The following RNF168 variants were observed in gnomAD, a reference collection of about 807,000 sequenced individuals.
The protein encoded by RNF168 is E3 ubiquitin-protein ligase RNF168.
In RNF168, 34 loss-of-function variants were observed where a neutral mutation model predicts 34.9. That is an observed-to-expected ratio of 0.97 (90% CI 0.74 to 1.30). The LOEUF (loss-of-function observed/expected upper bound fraction) is 1.30. RNF168 is among the 50% of genes most tolerant of loss of function. The pLI, the probability that RNF168 is intolerant of heterozygous loss-of-function variation, is 0.00. For synonymous variants in RNF168, 264 were observed against 254.7 expected, an observed-to-expected ratio of 1.04 and a Z score of -0.35; for missense variants, 725 against 682.5, an observed-to-expected ratio of 1.06 and a Z score of -0.69.
In RNF168 at chr3:196,472,648, G is replaced by A. The variant is rs755116093; in HGVS notation, c.887C>T (p.Ser296Phe). The change falls in exon 6 of 6, where the codon TCC becomes TTC. Residue 296 changes from serine (S) to phenylalanine (F), a missense_variant. By Grantham distance (155) the Ser-to-Phe change is radical (BLOSUM62 -2). Transcript: ENST00000318037. ...GEQGADSSIESPMPWLCACGA... is the reference protein window; with the variant it reads ...GEQGADSSIEFPMPWLCACGA... ...ACAGGCACATAACCATGGCATAGGG[G>A]ACTCTATTGAAGAATCTGCACCTTG... 6.2e-7 allele frequency: 1 copy of A among 1,611,402 alleles called. No homozygotes were observed. Among genetic ancestry groups the A allele is most frequent in the Non-Finnish European group, 8.5e-7 (1 of 1,177,882 alleles).
chr3:196,488,580 CAAA>C, intron 2 of RNF168, 24 bp downstream of exon 2: 5 of 1,142,948 alleles, frequency 4.4e-6, no homozygotes, highest in South Asian at 1.4e-5. Flanking sequence ...AGAAATATTC[CAAA>C]AAAAAAAACT....
intron 3 of RNF168, among the ~76,000 whole-genome samples, chr3:196,487,033 T>C (rs73219637): frequency 0.047 from 7,126 of 152,342 alleles, 263 homozygotes; most frequent in Middle Eastern, 0.17. Flanking sequence ...CCAACCTGCA[T>C]GACAGAGTAA....
At chr3:196,488,512 A>G (rs1732512168) in intron 2 of RNF168, 95 bp downstream of exon 2, 5 of 722,702 alleles carry the variant, frequency 6.9e-6, no homozygotes, top group Non-Finnish European at 1.2e-5. Context: ...ATTTCAAGAT[A>G]TACTAGTTAT....
intron 2 of RNF168, among the ~76,000 whole-genome samples, chr3:196,487,824 T>C (rs1204923429): frequency 2.0e-5 from 3 of 152,178 alleles, no homozygotes; most frequent in African/African-American, 7.2e-5. Context: ...GTGAAAATTA[T>C]ACACAAAATT....
intron 3 of RNF168, among the ~76,000 whole-genome samples, chr3:196,486,774 T>TA (rs1396360222): frequency 2.0e-5 from 3 of 152,170 alleles, no homozygotes; most frequent in Non-Finnish European, 4.4e-5. Flanking sequence ...TTCCTACATA[T>TA]AAAAAAGTTG....
rs971583151 is a variant in RNF168, at chr3:196,503,207, C to T, written c.-34G>A. The T allele has an allele frequency of 6.3e-7, 1 of 1,591,192 alleles. No individual in the cohort carries two copies. Among genetic ancestry groups the T allele is most frequent in the Non-Finnish European group, 8.6e-7 (1 of 1,159,326 alleles). ...GTTAGTAAAGCCGACTAAACAACGACACCTGCACGAAAAAGAATCCTATTT... is the reference window on the plus strand; with the variant it reads ...GTTAGTAAAGCCGACTAAACAACGATACCTGCACGAAAAAGAATCCTATTT... On this transcript the variant is annotated 5_prime_UTR_variant, in exon 1 of 6. Transcript: ENST00000318037.
At chr3:196,502,305 G>C in intron 1 of RNF168, among the ~76,000 whole-genome samples, 1 of 152,100 alleles carries the variant, frequency 6.6e-6, no homozygotes, top group East Asian at 1.9e-4. Context: ...GTAAATCAGA[G>C]GCCGGGCGCG....
intron 1 of RNF168, among the ~76,000 whole-genome samples, chr3:196,498,967 A>G (rs1379826179): frequency 6.6e-6 from 1 of 151,866 alleles, no homozygotes; most frequent in Non-Finnish European, 1.5e-5. Flanking sequence ...TGCATTCCAG[A>G]CTGGGTGACA....
intron 3 of RNF168, among the ~76,000 whole-genome samples, chr3:196,486,572 G>A (rs188172408): frequency 2.0e-4 from 30 of 152,268 alleles, no homozygotes; most frequent in Admixed American, 1.8e-3. Flanking sequence ...GGGCTCAAGC[G>A]ATCCTCTCGC....
rs768487159 is a variant in RNF168 at position 196,472,454 on chromosome 3, C to A, written c.1081G>T (p.Val361Leu). 7 of 1,613,998 alleles carry A rather than the reference C, an allele frequency of 4.3e-6. No homozygotes were observed. In the African/African-American group the frequency reaches 9.3e-5, roughly 22 times the overall value. The change falls in exon 6 of 6, where the codon GTG (valine) becomes TTG (leucine). Residue 361 changes from valine (V) to leucine (L), a missense_variant. Physicochemically the swap from Val to Leu is conservative, Grantham distance 32. Transcript: ENST00000318037. Reference protein sequence around the residue: ...TESGCAPTSGVTQTNGNNTGE... With the variant: ...TESGCAPTSGLTQTNGNNTGE... ...GTGTTGTTTCCATTTGTCTGTGTCACCCCTGATGTGGGGGCGCACCCACTT... is the reference window on the plus strand; with the variant it reads ...GTGTTGTTTCCATTTGTCTGTGTCAACCCTGATGTGGGGGCGCACCCACTT...
chr3:196,502,941 G>A lies in RNF168; in HGVS notation c.233C>T (p.Thr78Met), dbSNP rs867104656. Residue 78 changes from threonine to methionine, a missense_variant, in exon 1 of 6, where the codon ACG (threonine) becomes ATG (methionine). By Grantham distance (81) the Thr-to-Met change is moderately conservative. Coordinates refer to ENST00000318037, the MANE Select transcript of RNF168 (RefSeq NM_152617.4). ...RNSLVNVELW[T>M]IIQKHYPREC... ...CCTGGGATAGTGTTTTTGAATTATC[G>A]TCCACAGTTCCACGTTGACGAGAGA... 1 of 1,613,888 alleles carries A rather than the reference G, an allele frequency of 6.2e-7. No homozygotes were observed. The highest frequency in any genetic ancestry group is 1.1e-5 in the South Asian group (1 of 91,078).
chr3:196,476,048 C>T (rs1365871737), intron 4 of RNF168, among the ~76,000 whole-genome samples: 1 of 150,488 alleles, frequency 6.6e-6, no homozygotes, highest in Non-Finnish European at 1.5e-5. Context: ...TTAGTAGAGA[C>T]GGGTTTCACC....
Position 196,502,879 on chromosome 3 carries a change from CCT to C in RNF168, c.293_294del (p.Glu98GlyfsTer4). ...CACGCCATGGTTTACTCACCCACTT[CCT>C]CTGATTCTTGGCCAGACGCTCTAAG... ...CKLRASGQESEEVADDYQPVR... is the reference protein window; with the variant it reads ...CKLRASGQESXEVADDYQPVR... On this transcript the variant is annotated frameshift_variant, in exon 1 of 6. Coordinates refer to ENST00000318037, the MANE Select transcript of RNF168 (RefSeq NM_152617.4). LOFTEE classifies it high-confidence loss of function. The C allele has an allele frequency of 1.9e-6, 3 of 1,613,760 alleles. No individual in the cohort carries two copies. Among genetic ancestry groups the C allele is most frequent in the South Asian group, 2.2e-5 (2 of 91,072 alleles).
At position 196,472,246 on chromosome 3, in the gene RNF168, A is replaced by G. The variant is rs781729599; in HGVS notation, c.1289T>C (p.Ile430Thr). 2.2e-5 allele frequency: 35 copies of G among 1,613,938 alleles called. No individual in the cohort carries two copies. The highest frequency in any genetic ancestry group is 3.0e-5 in the Non-Finnish European group (35 of 1,179,874). Residue 430 changes from isoleucine to threonine, a missense_variant, in exon 6 of 6, where the codon ATA becomes ACA. Transcript: ENST00000318037. Reference protein sequence around the residue: ...ETEINFTQKLIDLEHLLFERH... With the variant: ...ETEINFTQKLTDLEHLLFERH... ...CTCAAACAGTAGATGCTCCAAATCTATCAGTTTTTGGGTAAAGTTTATTTC... is the reference window on the plus strand; with the variant it reads ...CTCAAACAGTAGATGCTCCAAATCTGTCAGTTTTTGGGTAAAGTTTATTTC...
Position 196,470,521 on chromosome 3 carries a change from AC to A in RNF168, c.*1297del, listed in dbSNP as rs1731972817. ...GTTTCAATGATCCAGACTGTCAGTCACCCCATCCAGCCTCAGCCTCATCCTC... is the reference window on the plus strand; with the variant it reads ...GTTTCAATGATCCAGACTGTCAGTCACCCATCCAGCCTCAGCCTCATCCTC... On this transcript the variant is annotated 3_prime_UTR_variant, in exon 6 of 6. Transcript: ENST00000318037. The A allele has an allele frequency of 6.9e-6, 1 of 145,092 alleles. No homozygotes were observed. Among genetic ancestry groups the A allele is most frequent in the African/African-American group, 2.7e-5 (1 of 37,548 alleles). The allele number at this position is 145,092 out of a possible 1,614,324, so 9.0% of individuals were successfully genotyped here.
intron 3 of RNF168, among the ~76,000 whole-genome samples, chr3:196,484,202 G>A (rs1426523164): frequency 4.0e-5 from 5 of 125,974 alleles, no homozygotes; most frequent in Admixed American, 2.7e-4. Context: ...ACGCAGTCTC[G>A]CTCTGTTGCC....
rs1336495188 is a variant in RNF168, at chr3:196,468,783, T to C, written c.*3036A>G. ...GTGGTAAAATACACATAATAATCCA[T>C]TTTTATTTTTAGTATTTTATTTTTC... On this transcript the variant is annotated 3_prime_UTR_variant, in exon 6 of 6. Coordinates refer to ENST00000318037, the MANE Select transcript of RNF168 (RefSeq NM_152617.4). 1 of 152,214 alleles carries C rather than the reference T, an allele frequency of 6.6e-6. No homozygotes were observed. Among genetic ancestry groups the C allele is most frequent in the Non-Finnish European group, 1.5e-5 (1 of 68,044 alleles). 9.4% of individuals were successfully genotyped at this position (152,214 alleles called of 1,614,324 possible).
At position 196,503,390 on chromosome 3, in the gene RNF168, G is replaced by A. The variant is rs1427118250; in HGVS notation, c.-217C>T. On this transcript the variant is annotated 5_prime_UTR_variant, in exon 1 of 6. Transcript: ENST00000318037. ...GAATACCCCGGAGGGCGGCGTCTTT[G>A]TCCATTTTCAAGGCAAACGTCCCGC... 1 of 586,458 alleles carries A rather than the reference G, an allele frequency of 1.7e-6. No individual in the cohort carries two copies. Among genetic ancestry groups the A allele is most frequent in the Non-Finnish European group, 3.0e-6 (1 of 328,752 alleles). The allele number at this position is 586,458 out of a possible 1,614,324, so 36.3% of individuals were successfully genotyped here.
intron 1 of RNF168, among the ~76,000 whole-genome samples, chr3:196,489,456 A>T (rs553054235): frequency 6.6e-6 from 1 of 152,010 alleles, no homozygotes; most frequent in East Asian, 1.9e-4. Context: ...TGTCCTGAGT[A>T]GCTGGGATCA....
Sources: gnomAD v4.1 joint callset for allele counts (sites outside exome capture counted in the v4.1 genomes callset) on GRCh38, gnomAD v4.1.1 for gene constraint, MANE v1.5 for transcripts, NCBI Gene and HGNC (gene_info 2026-07-23, HGNC 2026-07-21) for gene names.